The following DOP1B variants were observed in gnomAD, a reference collection of about 807,000 sequenced individuals.
DOP1B encodes the protein DOP1 leucine zipper like protein B, also known as protein DOP1B.
DOP1B carries 174 observed loss-of-function variants against 233.5 expected under a neutral mutation model. That is an observed-to-expected ratio of 0.75 (90% confidence interval 0.66 to 0.85). The LOEUF is 0.85. DOP1B is among the 40% of genes least tolerant of loss of function. The probability of loss-of-function intolerance (pLI) is 0.00; values close to 1 mark genes in which losing one functional copy is unlikely to be tolerated. For missense variants in DOP1B, 2,652 were observed against 2,846.6 expected, an observed-to-expected ratio of 0.93 and a Z score of 1.56; for synonymous variants, 1,190 against 1,185.6, an observed-to-expected ratio of 1.00 and a Z score of -0.08.
At position 36,240,030 on chromosome 21, in the gene DOP1B, G is replaced by A. The variant is rs2066875715; in HGVS notation, c.3067+75G>A. 8.8e-6 allele frequency: 13 copies of A among 1,469,818 alleles called. No homozygotes were observed. In the South Asian group the frequency reaches 1.5e-4, roughly 17 times the overall value. 91.0% of individuals were successfully genotyped at this position (1,469,818 alleles called of 1,614,324 possible). A position where few individuals can be genotyped will look rare whatever the true frequency, so the allele number is the denominator to read the frequency against. On this transcript the variant is annotated intron_variant, in intron 18 of 36. Coordinates refer to ENST00000691173, the MANE Select transcript of DOP1B (RefSeq NM_001320714.2). ...ACTGGACCTCAGCAGTGATAGCTGA[G>A]AGACTGAGGCCCACTAGGGGGTTTT...
intron 27 of DOP1B, among the ~76,000 whole-genome samples, chr21:36,275,906 G>A (rs2067344583): frequency 6.6e-6 from 1 of 152,150 alleles, no homozygotes; most frequent in Admixed American, 6.6e-5. Context: ...GTGAGGACCT[G>A]TAGCAGCTGC....
At chr21:36,159,588 C>G (rs192943836) in intron 1 of DOP1B, among the ~76,000 whole-genome samples, 147 of 152,358 alleles carry the variant, frequency 9.6e-4, no homozygotes, top group Non-Finnish European at 1.3e-3. Flanking sequence ...TTCCAAACTT[C>G]TCTCGTGTGC....
At position 36,268,590 on chromosome 21, in the gene DOP1B, T is replaced by G. The variant is rs1416097983; in HGVS notation, c.5488-1423T>G. Among the ~76,000 whole-genome samples, 5 of 152,272 alleles carry G rather than the reference T, an allele frequency of 3.3e-5. No individual in the cohort carries two copies. The East Asian group carries it at 9.7e-4, about 29-fold the overall frequency. ...AGACAGGTGTAAGAAATTACAAAAG[T>G]ATTATTTGGGAACTGATAAATGTCC... is the stretch of plus-strand genomic sequence containing the variant. On this transcript the variant is annotated intron_variant, in intron 26 of 36. Coordinates refer to ENST00000691173, the MANE Select transcript of DOP1B (RefSeq NM_001320714.2).
chr21:36,227,978 AT>A (rs2066713358), intron 13 of DOP1B, 101 bp downstream of exon 13: 2 of 1,179,958 alleles, frequency 1.7e-6, no homozygotes, highest in South Asian at 3.7e-5. Context: ...AGGAATAAAG[AT>A]GAGAAGATAC....
At chr21:36,283,663 T>C (rs985630516) in intron 32 of DOP1B, among the ~76,000 whole-genome samples, 1 of 152,100 alleles carries the variant, frequency 6.6e-6, no homozygotes, top group Non-Finnish European at 1.5e-5. Flanking sequence ...TAATGTCAGC[T>C]CTCCAAAGAC....
In DOP1B at chr21:36,288,827, TCTGTACACAA is replaced by T. The variant is rs2067519390; in HGVS notation, c.6353+17_6353+26del. On this transcript the variant is annotated intron_variant, in intron 34 of 36. Coordinates refer to ENST00000691173, the MANE Select transcript of DOP1B (RefSeq NM_001320714.2). ...AGTCATTGAGGTAAGCAGTACAAGA[TCTGTACACAA>T]GAGGAAAAGATAGTCACGATTAAAG... The T allele has an allele frequency of 6.2e-7, 1 of 1,603,584 alleles. No homozygotes were observed. Among genetic ancestry groups the T allele is most frequent in the African/African-American group, 1.3e-5 (1 of 74,626 alleles).
chr21:36,247,461 CT>C, intron 19 of DOP1B, 55 bp from the exon 20 acceptor site: 1 of 1,318,876 alleles, frequency 7.6e-7, no homozygotes, highest in East Asian at 2.3e-5. Flanking sequence ...ATTAGAAACC[CT>C]TATGGCCTCA....
rs1306487963 is a variant in DOP1B, at chr21:36,177,205, G to A, written c.138+12334G>A. The stretch of plus-strand genomic sequence containing the variant: ...ATGCTGGGGCTCTGATGATGTTGCA[G>A]CTTCACCCCTTACCCCAGGTTATCT... On this transcript the variant is annotated intron_variant, in intron 2 of 36. Coordinates refer to ENST00000691173, the MANE Select transcript of DOP1B (RefSeq NM_001320714.2). 3.3e-5 allele frequency among the ~76,000 whole-genome samples: 5 copies of A among 152,274 alleles called. No homozygotes were observed. The South Asian group carries it at 1.0e-3, about 32-fold the overall frequency.
chr21:36,185,987 G>A (rs1174326136), intron 2 of DOP1B, among the ~76,000 whole-genome samples: 1 of 152,204 alleles, frequency 6.6e-6, no homozygotes, highest in Non-Finnish European at 1.5e-5. Context: ...TGGATCACTT[G>A]AGGTCAGGAG....
chr21:36,159,312 G>A lies in DOP1B; in HGVS notation c.-27+2369G>A, dbSNP rs11700935. ...ACTAAAAATACAAAATTAGCCGGGCGTGGTGGCACCTGCCTGTAATCCCAG... is the reference window on the plus strand; with the variant it reads ...ACTAAAAATACAAAATTAGCCGGGCATGGTGGCACCTGCCTGTAATCCCAG... On this transcript the variant is annotated intron_variant, in intron 1 of 36. Transcript: ENST00000691173. 2.0e-5 allele frequency among the ~76,000 whole-genome samples: 3 copies of A among 151,456 alleles called. No individual in the cohort carries two copies. In the East Asian group the frequency reaches 5.8e-4, roughly 29 times the overall value.
chr21:36,170,179 A>G, intron 2 of DOP1B: 3 of 462,996 alleles, frequency 6.5e-6, no homozygotes, highest in East Asian at 4.7e-5. Flanking sequence ...TCTGTGAGAC[A>G]TCACACAATC....
In DOP1B at chr21:36,214,125, T is replaced by C; in HGVS notation, c.949T>C (p.Ser317Pro). 3 of 1,614,060 alleles carry C rather than the reference T, an allele frequency of 1.9e-6. No individual in the cohort carries two copies. The highest frequency in any genetic ancestry group is 2.5e-6 in the Non-Finnish European group (3 of 1,179,998). The change falls in exon 8 of 37, where the codon TCA (serine) becomes CCA (proline). Residue 317 changes from serine (S) to proline (P), a missense_variant. Ser to Pro is a moderately conservative substitution (Grantham distance 74). This residue lies in a region of DOP1B where 2,617 missense variants were observed against 2,794.3 expected (regional missense o/e 0.94). Coordinates refer to ENST00000691173, the MANE Select transcript of DOP1B (RefSeq NM_001320714.2). ...GNTVVPESEISNSYEDQSSYF... is the reference protein window; with the variant it reads ...GNTVVPESEIPNSYEDQSSYF... Reference sequence around the variant, plus strand: ...TACCGTTGTGCCAGAATCTGAAATCTCAAATTCTTATGAAGACCAGTCGTC... The same window carrying C: ...TACCGTTGTGCCAGAATCTGAAATCCCAAATTCTTATGAAGACCAGTCGTC...
intron 32 of DOP1B, among the ~76,000 whole-genome samples, chr21:36,287,518 CT>C (rs1205547003): frequency 6.7e-6 from 1 of 149,570 alleles, no homozygotes; most frequent in Non-Finnish European, 1.5e-5. Context: ...CCATGAACTG[CT>C]GTATTTCACA....
At chr21:36,254,827 GTGT>G (rs1185482909) in intron 23 of DOP1B, among the ~76,000 whole-genome samples, 3 of 152,104 alleles carry the variant, frequency 2.0e-5, no homozygotes, top group Non-Finnish European at 2.9e-5. Flanking sequence ...ATCCATGCTA[GTGT>G]TGTTTGGGGC....
chr21:36,211,682 C>G (rs1014554994), intron 6 of DOP1B, 31 bp downstream of exon 6: 1 of 1,603,674 alleles, frequency 6.2e-7, no homozygotes, highest in African/African-American at 1.3e-5. Flanking sequence ...TGGTAAGTCA[C>G]TGGTGTTTCC....
intron 20 of DOP1B, 63 bp from the exon 21 acceptor site, chr21:36,248,317 C>T: frequency 6.4e-7 from 1 of 1,567,616 alleles, no homozygotes; most frequent in Non-Finnish European, 8.7e-7. Context: ...CACTGCTGCC[C>T]TCGTGGGAAG....
At chr21:36,183,866 C>CTTTT (rs869202145) in intron 2 of DOP1B, among the ~76,000 whole-genome samples, 3 of 137,436 alleles carry the variant, frequency 2.2e-5, no homozygotes, top group Admixed American at 7.3e-5. Flanking sequence ...TACATGGTTT[C>CTTTT]TTTTTTTTTT....
intron 27 of DOP1B, among the ~76,000 whole-genome samples, chr21:36,273,281 C>T (rs1212716042): frequency 6.6e-6 from 1 of 151,386 alleles, no homozygotes; most frequent in Non-Finnish European, 1.5e-5. Context: ...GTAGTGTGTG[C>T]CTGTAATCCC....
chr21:36,293,771 T>G lies in DOP1B; in HGVS notation c.*200T>G. 1 of 545,480 alleles carries G rather than the reference T, an allele frequency of 1.8e-6. No individual in the cohort carries two copies. The highest frequency in any genetic ancestry group is 3.2e-6 in the Non-Finnish European group (1 of 308,644). 33.8% of individuals were successfully genotyped at this position (545,480 alleles called of 1,614,324 possible). On this transcript the variant is annotated 3_prime_UTR_variant, in exon 37 of 37. Transcript: ENST00000691173. The stretch of plus-strand genomic sequence containing the variant: ...GCCAAGGCAGGCAGATCACTTGAGG[T>G]CAGGAGTTCGAGACCAGCCTGACCA...
Sources: allele counts gnomAD v4.1 joint callset (sites outside exome capture counted in the v4.1 genomes callset), GRCh38; gene constraint gnomAD v4.1.1; regional missense constraint gnomAD v4.1.1; transcripts MANE v1.5; gene names NCBI Gene and HGNC (gene_info 2026-07-23, HGNC 2026-07-21).